SORCS2: variants seen among roughly 807,000 people sequenced by gnomAD.
SORCS2 encodes VPS10 domain-containing receptor SorCS2.
SORCS2 carries 100 observed loss-of-function variants against 141.6 expected under a neutral mutation model. The observed-to-expected ratio is 0.71, with a 90% CI of 0.60 to 0.83. SORCS2 has a LOEUF of 0.83. Ranked by LOEUF, SORCS2 falls within the 40% of genes least tolerant of loss-of-function variation. The probability of loss-of-function intolerance (pLI) is 0.00; values close to 1 mark genes in which losing one functional copy is unlikely to be tolerated. For synonymous variants in SORCS2, 789 were observed against 676.9 expected (o/e 1.17, Z -2.57); for missense variants, 1,646 against 1,560.2 (o/e 1.05, Z -0.93).
chr4:7,486,039 G>A (rs888457775), intron 2 of SORCS2, among the ~76,000 whole-genome samples: 14 of 152,154 alleles, frequency 9.2e-5, no homozygotes, highest in African/African-American at 2.4e-4. Context: ...CCTGCATACC[G>A]AAGCCCACGG....
intron 5 of SORCS2, among the ~76,000 whole-genome samples, chr4:7,657,695 A>G (rs1351443763): frequency 6.6e-6 from 1 of 151,602 alleles, no homozygotes; most frequent in Non-Finnish European, 1.5e-5. Flanking sequence ...TGAGTCTGTG[A>G]TTGAGTGAAT....
At chr4:7,519,519 C>A (rs1340463571) in intron 2 of SORCS2, among the ~76,000 whole-genome samples, 1 of 152,242 alleles carries the variant, frequency 6.6e-6, no homozygotes, top group East Asian at 1.9e-4. Flanking sequence ...AAAGAAGCAA[C>A]CCAGCCAGTG....
chr4:7,297,190 C>G (rs1717130968), intron 1 of SORCS2, among the ~76,000 whole-genome samples: 1 of 152,180 alleles, frequency 6.6e-6, no homozygotes, highest in East Asian at 1.9e-4. Context: ...TGCCCCCTTC[C>G]CTTCCTGGAG....
chr4:7,374,989 C>T (rs1195124933), intron 1 of SORCS2, among the ~76,000 whole-genome samples: 1 of 152,164 alleles, frequency 6.6e-6, no homozygotes, highest in East Asian at 1.9e-4. Context: ...ACATTTGTAT[C>T]CTCAGAGGGC....
chr4:7,236,689 C>T (rs536061692), intron 1 of SORCS2, among the ~76,000 whole-genome samples: 93 of 152,288 alleles, frequency 6.1e-4, no homozygotes, highest in South Asian at 5.8e-3. Context: ...TTAAGCGATT[C>T]TCCTTCCTCA....
At chr4:7,405,623 CT>C (rs113425473) in intron 2 of SORCS2, among the ~76,000 whole-genome samples, 1 of 152,148 alleles carries the variant, frequency 6.6e-6, no homozygotes, top group African/African-American at 2.4e-5. Context: ...GGATTGCCTT[CT>C]TGATTTCATT....
At chr4:7,602,978 A>G (rs565006877) in intron 3 of SORCS2, among the ~76,000 whole-genome samples, 7 of 152,232 alleles carry the variant, frequency 4.6e-5, no homozygotes, top group Non-Finnish European at 1.0e-4. Flanking sequence ...CCAACATGGC[A>G]AAACCCCGTC....
At position 7,467,238 on chromosome 4, in the gene SORCS2, C is replaced by G. The variant is rs554993921; in HGVS notation, c.549-64292C>G. 2.0e-4 allele frequency among the ~76,000 whole-genome samples: 31 copies of G among 152,306 alleles called. 1 individual carries two copies. The East Asian group carries it at 4.2e-3, about 21-fold the overall frequency. On this transcript the variant is annotated intron_variant, in intron 2 of 26. Transcript: ENST00000507866. ...GAAGCTGCCAGACATGGGCGAATGA[C>G]GTGTCATCCACAGCCCCCACGCTGC...
At chr4:7,462,529 TA>T (rs1319554278) in intron 2 of SORCS2, among the ~76,000 whole-genome samples, 1 of 152,122 alleles carries the variant, frequency 6.6e-6, no homozygotes, top group Non-Finnish European at 1.5e-5. Flanking sequence ...ACGTTGGCTC[TA>T]AAGCCTGGAT....
At chr4:7,613,358 G>A (rs1187774294) in intron 3 of SORCS2, among the ~76,000 whole-genome samples, 1 of 152,248 alleles carries the variant, frequency 6.6e-6, no homozygotes, top group African/African-American at 2.4e-5. Flanking sequence ...TGTTCAGCGG[G>A]GCTCTGCGTG....
chr4:7,218,992 GCTAGGCCCTTC>G (rs58380707), intron 1 of SORCS2, among the ~76,000 whole-genome samples: 40,457 of 151,010 alleles, frequency 0.27, 5,888 homozygotes, highest in East Asian at 0.44. Flanking sequence ...TCTGGAATAT[GCTAGGCCCTTC>G]CTACCTCAGA....
intron 11 of SORCS2, among the ~76,000 whole-genome samples, chr4:7,695,388 G>A (rs71612279): frequency 2.2e-5 from 1 of 46,006 alleles, no homozygotes. Flanking sequence ...GGATGGATTG[G>A]TGGGTGGGTG....
At chr4:7,618,456 C>T (rs970872126) in intron 3 of SORCS2, among the ~76,000 whole-genome samples, 1 of 152,158 alleles carries the variant, frequency 6.6e-6, no homozygotes, top group Non-Finnish European at 1.5e-5. Flanking sequence ...TTCAAGGCCC[C>T]CAATGGTTCC....
intron 1 of SORCS2, among the ~76,000 whole-genome samples, chr4:7,241,305 C>G (rs1004248370): frequency 6.6e-6 from 1 of 152,138 alleles, no homozygotes. Flanking sequence ...TTTTAAGGTC[C>G]CTGCTTGTCC....
chr4:7,318,610 G>A (rs2108938767), intron 1 of SORCS2, among the ~76,000 whole-genome samples: 2 of 152,276 alleles, frequency 1.3e-5, no homozygotes, highest in Middle Eastern at 6.8e-3. Context: ...GATTAAACGA[G>A]CTAAGCCATT....
At chr4:7,423,500 GA>G (rs1266050966) in intron 2 of SORCS2, among the ~76,000 whole-genome samples, 6 of 152,058 alleles carry the variant, frequency 3.9e-5, no homozygotes, top group African/African-American at 1.4e-4. Context: ...CTGGAGGCTC[GA>G]ACTCCTGGCC....
chr4:7,412,538 A>G (rs1725386329), intron 2 of SORCS2, among the ~76,000 whole-genome samples: 1 of 152,136 alleles, frequency 6.6e-6, no homozygotes, highest in Non-Finnish European at 1.5e-5. Context: ...ACTGGGGGAC[A>G]GATGCTCAGT....
intron 1 of SORCS2, among the ~76,000 whole-genome samples, chr4:7,353,807 T>C (rs1000757062): frequency 6.6e-6 from 1 of 152,190 alleles, no homozygotes; most frequent in Admixed American, 6.5e-5. Flanking sequence ...CCGACCCTTA[T>C]GATATTTTAG....
At chr4:7,314,549 C>T (rs1244821376) in intron 1 of SORCS2, among the ~76,000 whole-genome samples, 1 of 152,118 alleles carries the variant, frequency 6.6e-6, no homozygotes, top group Non-Finnish European at 1.5e-5. Context: ...CCGTGTTAGC[C>T]AGGATGTTCT....
Sources: allele counts gnomAD v4.1 joint callset (sites outside exome capture counted in the v4.1 genomes callset), GRCh38; gene constraint gnomAD v4.1.1; transcripts MANE v1.5; gene names NCBI Gene and HGNC (gene_info 2026-07-23, HGNC 2026-07-21).